Variants in SH3PXD2B observed in about 807,000 individuals in gnomAD.
SH3PXD2B encodes SH3 and PX domain-containing protein 2B.
SH3PXD2B carries 37 observed loss-of-function variants against 73.1 expected under a neutral mutation model. The ratio of observed to expected loss-of-function variants is 0.51; its 90% confidence interval spans 0.39 to 0.67. The LOEUF is 0.67. Among genes scored for constraint, SH3PXD2B ranks in the 30% least tolerant of loss-of-function variants. SH3PXD2B has a pLI of 0.00. For missense variants in SH3PXD2B, 1,053 were observed against 1,197.8 expected (o/e 0.88, Z 1.78); for synonymous variants, 457 against 480.5 (o/e 0.95, Z 0.64).
At chr5:172,388,847 T>C (rs906913768) in intron 4 of SH3PXD2B, among the ~76,000 whole-genome samples, 14 of 152,140 alleles carry the variant, frequency 9.2e-5, no homozygotes, top group Non-Finnish European at 1.8e-4. Context: ...ATCTCCAGAA[T>C]TGGAATTTCA....
At chr5:172,355,457 C>T (rs527634598) in intron 8 of SH3PXD2B, among the ~76,000 whole-genome samples, 9 of 152,272 alleles carry the variant, frequency 5.9e-5, no homozygotes, top group East Asian at 5.8e-4. Flanking sequence ...GGGTGCCACC[C>T]GGGTCCCAGA....
intron 6 of SH3PXD2B, among the ~76,000 whole-genome samples, chr5:172,369,371 T>G (rs896623052): frequency 1.2e-4 from 19 of 152,144 alleles, no homozygotes; most frequent in Admixed American, 6.5e-5. Context: ...GGCTAACATA[T>G]TCACTGTCTG....
Position 172,408,567 on chromosome 5 carries a change from T to A in SH3PXD2B, c.157-2215A>T, listed in dbSNP as rs145924933. Among the ~76,000 whole-genome samples, 148 of 131,218 alleles carry A rather than the reference T, an allele frequency of 1.1e-3. 2 individuals carry two copies. The East Asian group carries it at 0.027, about 24-fold the overall frequency. The allele number at this position is 131,218 out of a possible 152,430, so 86.1% of individuals were successfully genotyped here. ...TTTTTTTTTTTTTTGAGATGGAGTT[T>A]CCCTCTTGTTGCCCAGGCTGGGGTG... On this transcript the variant is annotated intron_variant, in intron 2 of 12. Coordinates refer to ENST00000311601, the MANE Select transcript of SH3PXD2B (RefSeq NM_001017995.3).
chr5:172,405,129 T>C (rs929083602), intron 3 of SH3PXD2B, among the ~76,000 whole-genome samples: 2 of 152,234 alleles, frequency 1.3e-5, no homozygotes, highest in Non-Finnish European at 2.9e-5. Context: ...ATAGTATTCT[T>C]TGGTAAGAAT....
At chr5:172,405,047 G>A (rs189343016) in intron 3 of SH3PXD2B, among the ~76,000 whole-genome samples, 4 of 152,380 alleles carry the variant, frequency 2.6e-5, no homozygotes, top group Admixed American at 2.0e-4. Context: ...CTGGCCCACA[G>A]TAGGGAGCTA....
At chr5:172,449,692 G>T (rs1223527988) in intron 1 of SH3PXD2B, among the ~76,000 whole-genome samples, 2 of 152,184 alleles carry the variant, frequency 1.3e-5, no homozygotes, top group Non-Finnish European at 2.9e-5. Context: ...TATTGGATTG[G>T]CAAAGACTGA....
intron 6 of SH3PXD2B, among the ~76,000 whole-genome samples, chr5:172,367,588 T>C (rs1280469448): frequency 6.6e-6 from 1 of 152,178 alleles, no homozygotes; most frequent in Admixed American, 6.5e-5. Context: ...AGATGGTTAC[T>C]TATCCCCCAT....
chr5:172,335,874 C>T lies in SH3PXD2B; in HGVS notation c.*2495G>A, dbSNP rs1756679153. On this transcript the variant is annotated 3_prime_UTR_variant, in exon 13 of 13. Transcript: ENST00000311601. ...TATGACTCAAGGAGAGAACAGTGAA[C>T]AGAGAGGACTGTGGCTTCAGTACCC... The T allele has an allele frequency of 3.7e-5, 45 of 1,223,144 alleles. No homozygotes were observed. Among genetic ancestry groups the T allele is most frequent in the Non-Finnish European group, 4.6e-5 (45 of 983,064 alleles). 75.8% of individuals were successfully genotyped at this position (1,223,144 alleles called of 1,614,324 possible).
chr5:172,354,993 C>T (rs1177637907), intron 8 of SH3PXD2B, among the ~76,000 whole-genome samples: 1 of 152,168 alleles, frequency 6.6e-6, no homozygotes, highest in African/African-American at 2.4e-5. Context: ...GCTAGAACAG[C>T]TCCCACCCCC....
intron 7 of SH3PXD2B, among the ~76,000 whole-genome samples, chr5:172,360,992 T>A (rs1244459312): frequency 6.6e-6 from 1 of 152,110 alleles, no homozygotes; most frequent in African/African-American, 2.4e-5. Flanking sequence ...CACTGAATAC[T>A]ACGCAGATGT....
intron 1 of SH3PXD2B, among the ~76,000 whole-genome samples, chr5:172,439,996 G>A (rs1035407658): frequency 1.6e-4 from 25 of 152,288 alleles, no homozygotes; most frequent in African/African-American, 5.1e-4. Flanking sequence ...CTGGCAGCTG[G>A]AGCCCAGGCT....
At chr5:172,410,210 G>A (rs1390655835) in intron 2 of SH3PXD2B, among the ~76,000 whole-genome samples, 1 of 152,222 alleles carries the variant, frequency 6.6e-6, no homozygotes, top group Non-Finnish European at 1.5e-5. Context: ...GTGTTTTGAG[G>A]AACCTCTACA....
chr5:172,348,618 CTATCTATG>C (rs879707452), intron 10 of SH3PXD2B, among the ~76,000 whole-genome samples: 4,570 of 133,568 alleles, frequency 0.034, 291 homozygotes, highest in African/African-American at 0.13. Context: ...GCATCTGAAT[CTATCTATG>C]TATCTATCTA....
chr5:172,342,740 G>A (rs1214509559), intron 12 of SH3PXD2B, among the ~76,000 whole-genome samples: 15 of 151,906 alleles, frequency 9.9e-5, no homozygotes, highest in South Asian at 4.1e-4. Flanking sequence ...CAGCCTGGGC[G>A]ACAGAGCAAG....
At chr5:172,381,789 A>G (rs1366700709) in intron 5 of SH3PXD2B, among the ~76,000 whole-genome samples, 1 of 152,216 alleles carries the variant, frequency 6.6e-6, no homozygotes, top group African/African-American at 2.4e-5. Flanking sequence ...CACCTCGATA[A>G]GTGCTGTGGG....
At chr5:172,427,598 A>G (rs10071735) in intron 1 of SH3PXD2B, among the ~76,000 whole-genome samples, 76,822 of 151,742 alleles carry the variant, frequency 0.51, 21,234 homozygotes, top group African/African-American at 0.71. Context: ...TGATCTTCCC[A>G]CCTCAGTATC....
At chr5:172,356,218 T>C (rs1231287255) in intron 8 of SH3PXD2B, among the ~76,000 whole-genome samples, 2 of 152,092 alleles carry the variant, frequency 1.3e-5, no homozygotes, top group Non-Finnish European at 2.9e-5. Context: ...TACTTGAAAC[T>C]GCTGTCATCA....
At chr5:172,390,831 G>A (rs1758171628) in intron 4 of SH3PXD2B, among the ~76,000 whole-genome samples, 1 of 132,728 alleles carries the variant, frequency 7.5e-6, no homozygotes, top group Non-Finnish European at 1.6e-5. Flanking sequence ...GTGTGTGTGT[G>A]TGTGTGTGTG....
Position 172,333,860 on chromosome 5 carries a change from C to A in SH3PXD2B, c.*4509G>T, listed in dbSNP as rs1315755616. 2.3e-5 allele frequency: 29 copies of A among 1,282,728 alleles called. No individual in the cohort carries two copies. The highest frequency in any genetic ancestry group is 2.9e-5 in the Non-Finnish European group (29 of 987,316). The allele number at this position is 1,282,728 out of a possible 1,614,324, so 79.5% of individuals were successfully genotyped here. ...TCAAGGTGGCCACAGTTTATCATCACCCCTCTAAGTGAAAGGGGCGCTAAC... is the reference window on the plus strand; with the variant it reads ...TCAAGGTGGCCACAGTTTATCATCAACCCTCTAAGTGAAAGGGGCGCTAAC... On this transcript the variant is annotated 3_prime_UTR_variant, in exon 13 of 13. Coordinates refer to ENST00000311601, the MANE Select transcript of SH3PXD2B (RefSeq NM_001017995.3).
Sources: gnomAD v4.1 joint callset for allele counts (sites outside exome capture counted in the v4.1 genomes callset) on GRCh38, gnomAD v4.1.1 for gene constraint, MANE v1.5 for transcripts, NCBI Gene and HGNC (gene_info 2026-07-23, HGNC 2026-07-21) for gene names.